Variants in ZBTB7C observed in about 807,000 individuals in gnomAD.
The protein encoded by ZBTB7C is zinc finger and BTB domain-containing protein 7C.
ZBTB7C carries 8 observed loss-of-function variants against 25.7 expected under a neutral mutation model. The observed-to-expected ratio is 0.31, with a 90% confidence interval of 0.18 to 0.56. The LOEUF (loss-of-function observed/expected upper bound fraction) is 0.56, where lower values mean the gene tolerates loss of function less well. ZBTB7C is among the 20% of genes least tolerant of loss of function. The pLI, the probability that ZBTB7C is intolerant of heterozygous loss-of-function variation, is 0.91. For synonymous variants in ZBTB7C, 394 were observed against 369.0 expected, an observed-to-expected ratio of 1.07 and a Z score of -0.78; for missense variants, 824 against 855.2, an observed-to-expected ratio of 0.96 and a Z score of 0.46.
intron 3 of ZBTB7C, among the ~76,000 whole-genome samples, chr18:48,043,230 T>G (rs2036330185): frequency 6.6e-6 from 1 of 152,218 alleles, no homozygotes; most frequent in African/African-American, 2.4e-5. Flanking sequence ...GCAATTGAAT[T>G]CTTGAGCATC....
intron 3 of ZBTB7C, among the ~76,000 whole-genome samples, chr18:48,098,235 T>TGA (rs2038709273): frequency 6.6e-6 from 1 of 152,150 alleles, no homozygotes; most frequent in East Asian, 1.9e-4. Flanking sequence ...ATGTACAGGA[T>TGA]GCACTCCAGG....
chr18:48,054,053 A>G (rs1488868648), intron 3 of ZBTB7C, among the ~76,000 whole-genome samples: 1 of 152,206 alleles, frequency 6.6e-6, no homozygotes, highest in African/African-American at 2.4e-5. Context: ...CAAAGATTTA[A>G]GTTCAACGAA....
At chr18:48,063,905 T>TGA (rs1193628606) in intron 3 of ZBTB7C, among the ~76,000 whole-genome samples, 2 of 151,582 alleles carry the variant, frequency 1.3e-5, no homozygotes, top group Non-Finnish European at 2.9e-5. Flanking sequence ...TATATATAAT[T>TGA]TATAATTGAT....
Position 48,029,271 on chromosome 18 carries a change from C to T in ZBTB7C, c.1849G>A (p.Ala617Thr), listed in dbSNP as rs1400953609. The change falls in exon 5 of 5, where the codon GCC becomes ACC. Residue 617 changes from alanine (A) to threonine (T), a missense_variant. Ala to Thr is a moderately conservative substitution (Grantham distance 58). Transcript: ENST00000590800. ...CGACAGGGACCAGCCTAGTTGTTGG[C>T]TTCGGACATGGAGGCCACGTGGTTG... ...GLNHVASMSE[A>T]NN 4.6e-6 allele frequency: 7 copies of T among 1,537,714 alleles called. No individual in the cohort carries two copies. In the East Asian group the frequency reaches 1.5e-4, roughly 32 times the overall value.
intron 3 of ZBTB7C, among the ~76,000 whole-genome samples, chr18:48,074,122 T>C (rs1185121610): frequency 1.3e-5 from 2 of 151,614 alleles, no homozygotes; most frequent in African/African-American, 4.9e-5. Flanking sequence ...CAAGCAATTC[T>C]CCTGTCTCAG....
chr18:48,179,745 C>T (rs1012913651), intron 3 of ZBTB7C, among the ~76,000 whole-genome samples: 12 of 149,230 alleles, frequency 8.0e-5, no homozygotes, highest in Non-Finnish European at 3.0e-5. Flanking sequence ...TCTCTCCCTT[C>T]CTTCCTCCCT....
At chr18:48,388,899 T>C (rs1044751475) in intron 1 of ZBTB7C, among the ~76,000 whole-genome samples, 1 of 152,206 alleles carries the variant, frequency 6.6e-6, no homozygotes, top group African/African-American at 2.4e-5. Context: ...GACAAAAAGA[T>C]TCCTTAGAAG....
chr18:48,230,503 C>T (rs900927757), intron 2 of ZBTB7C, among the ~76,000 whole-genome samples: 1 of 152,224 alleles, frequency 6.6e-6, no homozygotes, highest in Admixed American at 6.5e-5. Context: ...CTAGAAGTTT[C>T]CCAGCACCAT....
At chr18:48,117,166 A>G (rs1440396845) in intron 3 of ZBTB7C, among the ~76,000 whole-genome samples, 1 of 152,224 alleles carries the variant, frequency 6.6e-6, no homozygotes. Flanking sequence ...ATACCAGAAC[A>G]TACCAGTCCC....
intron 3 of ZBTB7C, among the ~76,000 whole-genome samples, chr18:48,117,607 G>C (rs1460498487): frequency 1.3e-5 from 2 of 152,184 alleles, no homozygotes; most frequent in Non-Finnish European, 2.9e-5. Flanking sequence ...GGTTCAGTAA[G>C]TTAACACTAG....
intron 2 of ZBTB7C, among the ~76,000 whole-genome samples, chr18:48,276,929 T>C (rs2044676091): frequency 7.1e-6 from 1 of 141,622 alleles, no homozygotes; most frequent in African/African-American, 2.6e-5. Context: ...AGTGTAAAAG[T>C]GTTCCTATTT....
intron 3 of ZBTB7C, among the ~76,000 whole-genome samples, chr18:48,129,448 C>G (rs141546971): frequency 9.9e-5 from 15 of 151,968 alleles, no homozygotes; most frequent in Non-Finnish European, 1.5e-5. Context: ...CCTGATCAGT[C>G]GGAGGCAGAT....
chr18:48,205,272 T>C (rs2042552046), intron 2 of ZBTB7C, among the ~76,000 whole-genome samples: 1 of 152,128 alleles, frequency 6.6e-6, no homozygotes, highest in Non-Finnish European at 1.5e-5. Flanking sequence ...AAATCAATTA[T>C]ATTTTCTATA....
chr18:48,261,764 G>A (rs1308764578), intron 2 of ZBTB7C, among the ~76,000 whole-genome samples: 2 of 152,214 alleles, frequency 1.3e-5, no homozygotes, highest in East Asian at 3.9e-4. Flanking sequence ...AGGCTCTGTG[G>A]GCTCCCCAAA....
chr18:48,034,283 C>A (rs1016735556), intron 4 of ZBTB7C, among the ~76,000 whole-genome samples: 2 of 152,084 alleles, frequency 1.3e-5, no homozygotes, highest in Non-Finnish European at 2.9e-5. Flanking sequence ...CCCCATGGTA[C>A]GCTGCCCCAC....
chr18:48,225,429 T>C (rs1024795879), intron 2 of ZBTB7C, among the ~76,000 whole-genome samples: 12 of 152,002 alleles, frequency 7.9e-5, no homozygotes, highest in African/African-American at 2.9e-4. Flanking sequence ...CCAAGACCCA[T>C]GGAAACTGCC....
At chr18:48,186,968 A>G (rs1192237973) in intron 2 of ZBTB7C, among the ~76,000 whole-genome samples, 5 of 152,232 alleles carry the variant, frequency 3.3e-5, no homozygotes, top group African/African-American at 1.2e-4. Flanking sequence ...GAAGGCAAAG[A>G]GGCCTTGACA....
chr18:48,373,138 A>T (rs1305777610), intron 1 of ZBTB7C, among the ~76,000 whole-genome samples: 1 of 152,136 alleles, frequency 6.6e-6, no homozygotes, highest in Admixed American at 6.5e-5. Flanking sequence ...CCCCATCCAA[A>T]TCTCATGTTG....
At chr18:48,099,873 G>A (rs553076241) in intron 3 of ZBTB7C, among the ~76,000 whole-genome samples, 3 of 152,276 alleles carry the variant, frequency 2.0e-5, no homozygotes, top group African/African-American at 7.2e-5. Context: ...CCTAATAAAA[G>A]GCTCAAAGTG....
Sources: allele counts gnomAD v4.1 joint callset (sites outside exome capture counted in the v4.1 genomes callset), GRCh38; gene constraint gnomAD v4.1.1; transcripts MANE v1.5; gene names NCBI Gene and HGNC (gene_info 2026-07-23, HGNC 2026-07-21).